The following LOXHD1 variants were observed in gnomAD, a reference collection of about 807,000 sequenced individuals.
LOXHD1 encodes the protein lipoxygenase homology PLAT domains 1.
A neutral mutation model predicts 248.2 loss-of-function variants in LOXHD1; 205 were observed. That is an observed-to-expected ratio of 0.83 (90% CI 0.74 to 0.93). The LOEUF (loss-of-function observed/expected upper bound fraction) is 0.93. LOXHD1 is among the 40% of genes least tolerant of loss of function. The probability of loss-of-function intolerance (pLI) is 0.00; values close to 1 mark genes in which losing one functional copy is unlikely to be tolerated. For synonymous variants in LOXHD1, 1,113 were observed against 1,162.8 expected (o/e 0.96, Z 0.87); for missense variants, 2,930 against 2,971.6 (o/e 0.99, Z 0.33).
chr18:46,643,935 C>A lies in LOXHD1; in HGVS notation c.246-1899G>T, dbSNP rs142335984. On this transcript the variant is annotated intron_variant, in intron 2 of 40. Transcript: ENST00000642948. ...GACCAGAATGTACAAACAGAATAAT[C>A]AATACAAACAGGATACCATCTTCAT... Among the ~76,000 whole-genome samples the A allele has an allele frequency of 6.8e-3, 1,038 of 152,200 alleles. 19 individuals are homozygous for A. Among genetic ancestry groups the A allele is most frequent in the African/African-American group, 0.023 (935 of 41,528 alleles).
chr18:46,648,758 C>G (rs895454594), intron 2 of LOXHD1, among the ~76,000 whole-genome samples: 1 of 152,128 alleles, frequency 6.6e-6, no homozygotes, highest in African/African-American at 2.4e-5. Flanking sequence ...CCTGGTGAGA[C>G]CTTGTATTTT....
chr18:46,591,722 C>T (rs977159785), intron 12 of LOXHD1, among the ~76,000 whole-genome samples: 2 of 152,222 alleles, frequency 1.3e-5, no homozygotes, highest in Non-Finnish European at 2.9e-5. Flanking sequence ...TCCCTCCCCA[C>T]CACACCAATC....
chr18:46,599,364 A>C (rs544846686), intron 8 of LOXHD1, among the ~76,000 whole-genome samples: 1 of 152,276 alleles, frequency 6.6e-6, no homozygotes, highest in African/African-American at 2.4e-5. Flanking sequence ...GTCAAGTTTT[A>C]AAAGCCCTTC....
Position 46,639,793 on chromosome 18 carries a change from G to A in LOXHD1, c.334C>T (p.His112Tyr). The change falls in exon 4 of 41, where the codon CAT (histidine) becomes TAT (tyrosine). Residue 112 changes from histidine (H) to tyrosine (Y), a missense_variant. By Grantham distance (83) the His-to-Tyr change is moderately conservative. Transcript: ENST00000642948. ...VGLIYKVRIEHDNTGLNASWY... is the reference protein window; with the variant it reads ...VGLIYKVRIEYDNTGLNASWY... ...CTGGCATTCAAGCCCGTGTTGTCAT[G>A]CTCAATCCTGAGGCAGAAGCCAAGG... 1 of 1,551,706 alleles carries A rather than the reference G, an allele frequency of 6.4e-7. No homozygotes were observed. The highest frequency in any genetic ancestry group is 8.7e-7 in the Non-Finnish European group (1 of 1,146,992).
chr18:46,544,421 T>C (rs1206195672), intron 23 of LOXHD1, among the ~76,000 whole-genome samples: 3 of 152,230 alleles, frequency 2.0e-5, no homozygotes, highest in African/African-American at 4.8e-5. Context: ...GATTAATTTC[T>C]TTGATCATGG....
intron 4 of LOXHD1, among the ~76,000 whole-genome samples, chr18:46,630,764 T>A (rs1385424379): frequency 7.9e-6 from 1 of 127,178 alleles, no homozygotes; most frequent in Non-Finnish European, 1.6e-5. Flanking sequence ...AACATCAAAG[T>A]GGGTATGGGG....
chr18:46,596,579 G>A (rs2038259620), intron 8 of LOXHD1, among the ~76,000 whole-genome samples: 1 of 152,186 alleles, frequency 6.6e-6, no homozygotes, highest in South Asian at 2.1e-4. Context: ...AAGGTAGACA[G>A]GGAAAAATCT....
In LOXHD1 at chr18:46,569,532, T is replaced by G; in HGVS notation, c.2154A>C (p.Gln718His). The G allele has an allele frequency of 6.4e-7, 1 of 1,552,050 alleles. No homozygotes were observed. The highest frequency in any genetic ancestry group is 8.7e-7 in the Non-Finnish European group (1 of 1,147,066). The change falls in exon 16 of 41, where the codon CAA becomes CAC. Residue 718 changes from glutamine to histidine, a missense_variant. Physicochemically the swap from Gln to His is conservative, Grantham distance 24 (BLOSUM62 0). Transcript: ENST00000642948. ...GGTTGTTGTCAGAGACAAGAAGAAC[T>G]TGCTTGATGGTGTCAGATTTATCCC... ...LYGDKSDTIK[Q>H]VLLVSDNNLK...
chr18:46,655,446 T>G (rs960269718), intron 1 of LOXHD1, among the ~76,000 whole-genome samples: 4 of 152,194 alleles, frequency 2.6e-5, no homozygotes, highest in African/African-American at 9.7e-5. Flanking sequence ...TCTAGAATGA[T>G]CTCACCAACA....
chr18:46,594,612 T>A, intron 8 of LOXHD1, 146 bp from the exon 9 acceptor site: 1 of 961,404 alleles, frequency 1.0e-6, no homozygotes, highest in Non-Finnish European at 1.5e-6. Flanking sequence ...CCTATCTCAT[T>A]AAATCTTAAA....
At chr18:46,625,897 C>T (rs2038735702) in intron 4 of LOXHD1, among the ~76,000 whole-genome samples, 1 of 152,168 alleles carries the variant, frequency 6.6e-6, no homozygotes, top group Non-Finnish European at 1.5e-5. Flanking sequence ...AACCTTGGCT[C>T]CATTACTTCC....
intron 4 of LOXHD1, among the ~76,000 whole-genome samples, chr18:46,632,916 C>G (rs2038845633): frequency 6.6e-6 from 1 of 152,136 alleles, no homozygotes; most frequent in African/African-American, 2.4e-5. Flanking sequence ...TTGAGGGCAG[C>G]CAGCCAAGAC....
chr18:46,627,420 C>T (rs1020635749), intron 4 of LOXHD1, among the ~76,000 whole-genome samples: 1 of 152,160 alleles, frequency 6.6e-6, no homozygotes, highest in African/African-American at 2.4e-5. Flanking sequence ...GGAATGGACA[C>T]TGACAGCTGG....
At chr18:46,545,627 CTTTTTTT>C (rs56323729) in intron 22 of LOXHD1, among the ~76,000 whole-genome samples, 2 of 92,230 alleles carry the variant, frequency 2.2e-5, no homozygotes, top group Non-Finnish European at 2.0e-5. Flanking sequence ...TTGGCCATTT[CTTTTTTT>C]TTTTTTTTTT....
chr18:46,653,995 T>C (rs968681861), intron 1 of LOXHD1, among the ~76,000 whole-genome samples: 2 of 152,170 alleles, frequency 1.3e-5, no homozygotes, highest in Non-Finnish European at 2.9e-5. Flanking sequence ...TTTGAATATG[T>C]CCCCTCCAAA....
intron 37 of LOXHD1, among the ~76,000 whole-genome samples, chr18:46,498,833 T>G (rs1338842791): frequency 2.0e-5 from 3 of 152,176 alleles, no homozygotes; most frequent in Non-Finnish European, 4.4e-5. Context: ...AAGAATTTGG[T>G]GGGTGGGGAA....
In LOXHD1 at chr18:46,484,217, T is replaced by A. The variant is rs143664606; in HGVS notation, c.6183-472A>T. On this transcript the variant is annotated intron_variant, in intron 39 of 40. Transcript: ENST00000642948. ...CAGCCTGTGGGGGTAAGTGCCAGTC[T>A]AAGGTGTCCAGACTTCATCCTGAGG... Among the ~76,000 whole-genome samples, 22 of 152,192 alleles carry A rather than the reference T, an allele frequency of 1.4e-4. No individual in the cohort carries two copies. The East Asian group carries it at 4.3e-3, about 29-fold the overall frequency.
intron 34 of LOXHD1, among the ~76,000 whole-genome samples, chr18:46,515,470 A>G (rs1280393193): frequency 6.6e-6 from 1 of 152,200 alleles, no homozygotes; most frequent in Non-Finnish European, 1.5e-5. Flanking sequence ...TTATTCAGAA[A>G]AAAAAAATCT....
At chr18:46,483,804 T>C (rs1459577696) in intron 39 of LOXHD1, 59 bp from the exon 40 acceptor site, 1 of 1,518,640 alleles carries the variant, frequency 6.6e-7, no homozygotes, top group Non-Finnish European at 8.9e-7. Context: ...CAGGTAAGCA[T>C]TTGTCGGGGG....
Sources: allele counts gnomAD v4.1 joint callset (sites outside exome capture counted in the v4.1 genomes callset), GRCh38; gene constraint gnomAD v4.1.1; transcripts MANE v1.5; gene names NCBI Gene and HGNC (gene_info 2026-07-23, HGNC 2026-07-21).